Variants in STXBP5L observed in about 807,000 individuals in gnomAD.
STXBP5L encodes the protein syntaxin binding protein 5L.
A neutral mutation model predicts 144.5 loss-of-function variants in STXBP5L; 65 were observed. The ratio of observed to expected loss-of-function variants is 0.45; its 90% CI spans 0.37 to 0.55. STXBP5L has a LOEUF of 0.55. Ranked by LOEUF, STXBP5L falls within the 20% of genes least tolerant of loss-of-function variation. The probability of loss-of-function intolerance (pLI) is 0.00; values close to 1 mark genes in which losing one functional copy is unlikely to be tolerated. For synonymous variants in STXBP5L, 505 were observed against 469.6 expected, an observed-to-expected ratio of 1.08 and a Z score of -0.97; for missense variants, 1,298 against 1,405.5, an observed-to-expected ratio of 0.92 and a Z score of 1.22.
chr3:121,091,628 T>A (rs1203418912), intron 5 of STXBP5L, among the ~76,000 whole-genome samples: 2 of 152,178 alleles, frequency 1.3e-5, no homozygotes, highest in African/African-American at 2.4e-5. Flanking sequence ...ATGGGGTTGT[T>A]TTTTTCTTGT....
At chr3:121,412,551 C>T (rs2047136265) in intron 23 of STXBP5L, among the ~76,000 whole-genome samples, 1 of 151,914 alleles carries the variant, frequency 6.6e-6, no homozygotes, top group Non-Finnish European at 1.5e-5. Context: ...GCATAACATC[C>T]AGGTTAATTT....
At chr3:121,200,274 G>A (rs760665420) in intron 9 of STXBP5L, among the ~76,000 whole-genome samples, 2 of 152,126 alleles carry the variant, frequency 1.3e-5, no homozygotes, top group Non-Finnish European at 2.9e-5. Context: ...TTGCATAGAG[G>A]TGCTAATAGT....
intron 5 of STXBP5L, among the ~76,000 whole-genome samples, chr3:121,080,385 G>GTT (rs777941392): frequency 6.6e-6 from 1 of 151,058 alleles, no homozygotes; most frequent in Non-Finnish European, 1.5e-5. Flanking sequence ...TAAATACTTT[G>GTT]TTTTTTTTTA....
At chr3:121,350,235 T>A (rs770631818) in intron 20 of STXBP5L, among the ~76,000 whole-genome samples, 2 of 152,176 alleles carry the variant, frequency 1.3e-5, no homozygotes, top group Non-Finnish European at 2.9e-5. Context: ...TTTGGCTGGA[T>A]ATGAAGTTCT....
chr3:120,979,290 T>G (rs1372199808), intron 3 of STXBP5L, among the ~76,000 whole-genome samples: 1 of 152,204 alleles, frequency 6.6e-6, no homozygotes, highest in Non-Finnish European at 1.5e-5. Flanking sequence ...GCCTTGCAGT[T>G]TGATCTCAGA....
intron 9 of STXBP5L, among the ~76,000 whole-genome samples, chr3:121,175,302 A>G (rs2046890157): frequency 6.6e-6 from 1 of 152,132 alleles, no homozygotes; most frequent in Admixed American, 6.6e-5. Flanking sequence ...CATAGCAACA[A>G]TAAACTCCAA....
chr3:121,114,177 A>T (rs996943518), intron 5 of STXBP5L, among the ~76,000 whole-genome samples: 3 of 152,140 alleles, frequency 2.0e-5, no homozygotes, highest in Non-Finnish European at 4.4e-5. Context: ...GTAAATTCCC[A>T]TATTTAATAT....
At chr3:121,294,817 T>G (rs572319584) in intron 19 of STXBP5L, among the ~76,000 whole-genome samples, 9 of 152,096 alleles carry the variant, frequency 5.9e-5, no homozygotes, top group Non-Finnish European at 1.3e-4. Flanking sequence ...TGGGGAATGT[T>G]TCAAGAAGTG....
chr3:121,338,914 G>T (rs1282283113), intron 20 of STXBP5L, among the ~76,000 whole-genome samples: 1 of 151,882 alleles, frequency 6.6e-6, no homozygotes, highest in Non-Finnish European at 1.5e-5. Flanking sequence ...TAACAAAGTT[G>T]TCCTCCTAAA....
At chr3:120,963,484 G>C (rs10278182) in intron 3 of STXBP5L, among the ~76,000 whole-genome samples, 62 of 152,192 alleles carry the variant, frequency 4.1e-4, no homozygotes, top group Non-Finnish European at 5.0e-4. Flanking sequence ...AGCATGAAAG[G>C]GTGTTGAGTT....
chr3:121,348,033 A>G (rs1167841435), intron 20 of STXBP5L, among the ~76,000 whole-genome samples: 4 of 151,696 alleles, frequency 2.6e-5, no homozygotes, highest in African/African-American at 4.8e-5. Context: ...CCTGTCTTGT[A>G]CCAGTTTTCA....
At chr3:120,927,478 G>A (rs1308646319) in intron 2 of STXBP5L, among the ~76,000 whole-genome samples, 2 of 152,214 alleles carry the variant, frequency 1.3e-5, no homozygotes, top group South Asian at 2.1e-4. Context: ...TACTGCTAAT[G>A]CTTTCCCTGG....
At chr3:121,170,269 C>G (rs1158868855) in intron 9 of STXBP5L, among the ~76,000 whole-genome samples, 2 of 152,114 alleles carry the variant, frequency 1.3e-5, no homozygotes, top group African/African-American at 2.4e-5. Flanking sequence ...GACACCCTAA[C>G]ATCACAGTAA....
intron 9 of STXBP5L, among the ~76,000 whole-genome samples, chr3:121,182,914 A>G (rs934004302): frequency 6.6e-6 from 1 of 152,224 alleles, no homozygotes; most frequent in Non-Finnish European, 1.5e-5. Context: ...ATCCTTAACA[A>G]AATACTAGCT....
At chr3:120,985,585 T>G (rs1452201548) in intron 3 of STXBP5L, among the ~76,000 whole-genome samples, 1 of 151,928 alleles carries the variant, frequency 6.6e-6, no homozygotes, top group Admixed American at 6.6e-5. Flanking sequence ...TTTTGACAAC[T>G]GAGTCAATTT....
At chr3:121,110,172 T>G (rs1324826122) in intron 5 of STXBP5L, among the ~76,000 whole-genome samples, 2 of 152,184 alleles carry the variant, frequency 1.3e-5, no homozygotes, top group African/African-American at 4.8e-5. Flanking sequence ...CTTGCCATTC[T>G]GTGTCTTTTA....
chr3:121,306,625 T>G (rs893370556), intron 19 of STXBP5L, among the ~76,000 whole-genome samples: 3 of 151,948 alleles, frequency 2.0e-5, no homozygotes, highest in Non-Finnish European at 4.4e-5. Context: ...TGTGGGAAAG[T>G]TCAAGCCTAA....
At chr3:121,102,201 G>GA (rs529650159) in intron 5 of STXBP5L, among the ~76,000 whole-genome samples, 1 of 151,958 alleles carries the variant, frequency 6.6e-6, no homozygotes. Flanking sequence ...TACAGAATTA[G>GA]AAAAAAACTA....
intron 5 of STXBP5L, among the ~76,000 whole-genome samples, chr3:121,100,255 A>G (rs1005207702): frequency 2.6e-5 from 4 of 152,168 alleles, no homozygotes; most frequent in Non-Finnish European, 4.4e-5. Flanking sequence ...TGAAACTAAT[A>G]TATGTCTACA....
Sources: gnomAD v4.1 joint callset for allele counts (sites outside exome capture counted in the v4.1 genomes callset) on GRCh38, gnomAD v4.1.1 for gene constraint, MANE v1.5 for transcripts, NCBI Gene and HGNC (gene_info 2026-07-23, HGNC 2026-07-21) for gene names.